The following KATNAL2 variants were observed in gnomAD, a reference collection of about 807,000 sequenced individuals.
The protein encoded by KATNAL2 is katanin catalytic subunit A1 like 2, also known as katanin p60 ATPase-containing subunit A-like 2.
KATNAL2 carries 52 observed loss-of-function variants against 76.3 expected under a neutral mutation model. The observed-to-expected ratio is 0.68, with a 90% CI of 0.55 to 0.86. The LOEUF (loss-of-function observed/expected upper bound fraction) is 0.86, where lower values mean the gene tolerates loss of function less well. Among genes scored for constraint, KATNAL2 ranks in the 40% least tolerant of loss-of-function variants. The pLI is 0.00. For missense variants in KATNAL2, 660 were observed against 668.9 expected (o/e 0.99, Z 0.15); for synonymous variants, 243 against 244.2 (o/e 1.00, Z 0.05).
chr18:47,034,160 C>A, intron 3 of KATNAL2: 1 of 1,614,234 alleles, frequency 6.2e-7, no homozygotes, highest in Non-Finnish European at 8.5e-7. Context: ...ATATCTACCT[C>A]CTCCACCTCA....
intron 3 of KATNAL2, chr18:47,034,642 C>T (rs1393611971): frequency 1.9e-6 from 3 of 1,614,018 alleles, no homozygotes; most frequent in Non-Finnish European, 1.7e-6. Context: ...GCAGCCTGGA[C>T]ACAGCAGAGG....
chr18:47,089,186 G>A (rs1359077551), intron 15 of KATNAL2, among the ~76,000 whole-genome samples: 1 of 152,166 alleles, frequency 6.6e-6, no homozygotes, highest in African/African-American at 2.4e-5. Flanking sequence ...CAACTGCCCA[G>A]CTTTCATTTT....
chr18:46,935,768 T>G (rs761874068), intron 1 of KATNAL2, among the ~76,000 whole-genome samples: 9 of 151,972 alleles, frequency 5.9e-5, no homozygotes, highest in Middle Eastern at 3.4e-3. Flanking sequence ...ATACAAAAAT[T>G]AGCCAGGCAT....
intron 1 of KATNAL2, among the ~76,000 whole-genome samples, chr18:46,933,410 T>C (rs1034075502): frequency 6.6e-6 from 1 of 152,126 alleles, no homozygotes; most frequent in African/African-American, 2.4e-5. Flanking sequence ...AAGAGGTTAA[T>C]AAACATGCTC....
chr18:47,032,860 C>T lies in KATNAL2; in HGVS notation c.52-13597C>T, dbSNP rs966303159. On this transcript the variant is annotated intron_variant, in intron 3 of 17. Transcript: ENST00000683218. ...GGGAGGCAAAATCACAGGGCCAGCA[C>T]ATGACACCTGCAGAATTCAAAGGCT... 9.2e-6 allele frequency: 14 copies of T among 1,516,270 alleles called. No individual in the cohort carries two copies. The Middle Eastern group carries it at 1.2e-3, about 131-fold the overall frequency. The allele number at this position is 1,516,270 out of a possible 1,614,324, so 93.9% of individuals were successfully genotyped here.
chr18:47,035,382 G>A, intron 3 of KATNAL2: 1 of 1,540,752 alleles, frequency 6.5e-7, no homozygotes, highest in Non-Finnish European at 8.7e-7. Flanking sequence ...CAGCGACCTC[G>A]GGATGTGGAG....
chr18:46,958,881 A>G (rs1237677258), intron 3 of KATNAL2, among the ~76,000 whole-genome samples: 1 of 152,234 alleles, frequency 6.6e-6, no homozygotes, highest in African/African-American at 2.4e-5. Flanking sequence ...AGAATCCTAA[A>G]ACAAAGTCAT....
intron 3 of KATNAL2, among the ~76,000 whole-genome samples, chr18:46,961,354 A>G (rs927192542): frequency 1.3e-5 from 2 of 152,160 alleles, no homozygotes; most frequent in African/African-American, 4.8e-5. Flanking sequence ...AGAGAATCTC[A>G]CTTATTATGG....
At position 46,962,116 on chromosome 18, in the gene KATNAL2, C is replaced by CCTGCAGACTTCTCTTGCCTCCTGGA. The variant is rs1476740764; in HGVS notation, c.51+15193_51+15194insCTGCAGACTTCTCTTGCCTCCTGGA. Among the ~76,000 whole-genome samples the CCTGCAGACTTCTCTTGCCTCCTGGA allele has an allele frequency of 2.6e-3, 387 of 150,454 alleles. 4 individuals are homozygous for CCTGCAGACTTCTCTTGCCTCCTGGA. Among genetic ancestry groups the CCTGCAGACTTCTCTTGCCTCCTGGA allele is most frequent in the African/African-American group, 6.6e-3 (266 of 40,136 alleles). ...CACTTGAGCAAATAGGATTTTGGCT[C>CCTGCAGACTTCTCTTGCCTCCTGGA]AGCCCTCTAAGAAGCTGGGACCACA... On this transcript the variant is annotated intron_variant, in intron 3 of 17. Coordinates refer to ENST00000683218, the MANE Select transcript of KATNAL2 (RefSeq NM_001387690.1).
intron 3 of KATNAL2, among the ~76,000 whole-genome samples, chr18:46,958,062 T>C (rs1474383931): frequency 6.6e-6 from 1 of 152,168 alleles, no homozygotes; most frequent in Non-Finnish European, 1.5e-5. Flanking sequence ...AATAAAAGAC[T>C]GACCCTCCCA....
intron 3 of KATNAL2, chr18:46,968,808 TGCTGCCGCCGCCGCTCAC>T (rs1156689871): frequency 5.0e-6 from 2 of 396,978 alleles, no homozygotes; most frequent in Non-Finnish European, 8.3e-6. Context: ...TGCCGGTTGC[TGCTGCCGCCGCCGCTCAC>T]GCTGCCGCCG....
intron 1 of KATNAL2, among the ~76,000 whole-genome samples, chr18:46,944,858 C>T (rs1333508143): frequency 2.0e-5 from 3 of 152,158 alleles, no homozygotes; most frequent in African/African-American, 4.8e-5. Context: ...ATCCGGGAGG[C>T]GGAGGTTGCA....
At chr18:47,037,427 C>T (rs904058732) in intron 3 of KATNAL2, among the ~76,000 whole-genome samples, 2 of 152,170 alleles carry the variant, frequency 1.3e-5, no homozygotes, top group African/African-American at 4.8e-5. Flanking sequence ...TTCTGGGCCT[C>T]CTTTCTTTGT....
At position 47,077,756 on chromosome 18, in the gene KATNAL2, C is replaced by T. The variant is rs192249139; in HGVS notation, c.1211+295C>T. Among the ~76,000 whole-genome samples the T allele has an allele frequency of 3.3e-5, 5 of 152,226 alleles. 1 individual carries two copies. The highest frequency in any genetic ancestry group is 1.2e-4 in the African/African-American group (5 of 41,554). ...AATTAAGTAGGACTTTGGCATAGAA[C>T]TACAAAATGCTTAAAATCTCCAGGA... On this transcript the variant is annotated intron_variant, in intron 15 of 17. Transcript: ENST00000683218.
chr18:47,036,171 G>T (rs560972781), intron 3 of KATNAL2, among the ~76,000 whole-genome samples: 1 of 152,180 alleles, frequency 6.6e-6, no homozygotes, highest in African/African-American at 2.4e-5. Context: ...ATAAATAGAA[G>T]TCAGCAGGTT....
At chr18:47,062,364 C>A (rs2061660583) in intron 8 of KATNAL2, among the ~76,000 whole-genome samples, 2 of 150,924 alleles carry the variant, frequency 1.3e-5, no homozygotes, top group African/African-American at 2.4e-5. Flanking sequence ...AGAGTGAGAT[C>A]CTGCCTGTCT....
chr18:46,959,761 G>A (rs1032797282), intron 3 of KATNAL2, among the ~76,000 whole-genome samples: 1 of 152,100 alleles, frequency 6.6e-6, no homozygotes, highest in South Asian at 2.1e-4. Flanking sequence ...TTTTAGTAGA[G>A]ATGGAGTTTC....
At chr18:47,084,559 C>T (rs918399969) in intron 15 of KATNAL2, 12 of 596,310 alleles carry the variant, frequency 2.0e-5, no homozygotes, top group Admixed American at 8.4e-5. Context: ...CTTTAAAATA[C>T]GACTGTGGGC....
At chr18:47,059,451 G>T (rs1444533133) in intron 7 of KATNAL2, 105 bp from the exon 8 acceptor site, 26 of 777,682 alleles carry the variant, frequency 3.3e-5, no homozygotes, top group African/African-American at 3.1e-4. Flanking sequence ...CGCGTTCACA[G>T]AATTGCTATC....
Sources: allele counts gnomAD v4.1 joint callset (sites outside exome capture counted in the v4.1 genomes callset), GRCh38; gene constraint gnomAD v4.1.1; transcripts MANE v1.5; gene names NCBI Gene and HGNC (gene_info 2026-07-23, HGNC 2026-07-21).